Variants in SEC22A observed in about 807,000 individuals in gnomAD.
SEC22A encodes SEC22 homolog A, vesicle trafficking protein.
In SEC22A, 22 loss-of-function variants were observed where a neutral mutation model predicts 35.3. The ratio of observed to expected loss-of-function variants is 0.62; its 90% CI spans 0.45 to 0.89. The LOEUF (loss-of-function observed/expected upper bound fraction) is 0.89. Ranked by LOEUF, SEC22A falls within the 40% of genes least tolerant of loss-of-function variation. The probability of loss-of-function intolerance (pLI) is 0.00; values close to 1 mark genes in which losing one functional copy is unlikely to be tolerated. For missense variants in SEC22A, 354 were observed against 362.5 expected (o/e 0.98, Z 0.19); for synonymous variants, 119 against 129.5 (o/e 0.92, Z 0.55).
At chr3:123,228,018 AAGC>A (rs1011247038) in intron 4 of SEC22A, among the ~76,000 whole-genome samples, 2 of 151,974 alleles carry the variant, frequency 1.3e-5, no homozygotes, top group African/African-American at 2.4e-5. Context: ...CCCATCCTAG[AAGC>A]TTCCTCTAGA....
intron 1 of SEC22A, among the ~76,000 whole-genome samples, chr3:123,203,053 CTTTTTTT>C (rs779433710): frequency 0.15 from 6,896 of 44,626 alleles, 772 homozygotes; most frequent in Middle Eastern, 0.36. Context: ...TGTTTAGTGC[CTTTTTTT>C]TTTTTTTTTT....
At chr3:123,223,860 T>C in intron 3 of SEC22A, 138 bp downstream of exon 3, 2 of 620,638 alleles carry the variant, frequency 3.2e-6, no homozygotes, top group Non-Finnish European at 2.6e-6. Context: ...CTATAAATTA[T>C]GGTAACTTTT....
At chr3:123,204,020 C>T (rs1936804290) in intron 1 of SEC22A, among the ~76,000 whole-genome samples, 1 of 152,172 alleles carries the variant, frequency 6.6e-6, no homozygotes, top group Non-Finnish European at 1.5e-5. Context: ...TCCCCTTTAT[C>T]ACCCACTCTA....
intron 1 of SEC22A, among the ~76,000 whole-genome samples, chr3:123,207,675 A>C (rs1191692213): frequency 1.3e-5 from 2 of 152,222 alleles, no homozygotes; most frequent in African/African-American, 2.4e-5. Flanking sequence ...AGAGCTCAGA[A>C]ATCTGCATTT....
rs1205087537 is a variant in SEC22A, at chr3:123,273,805, T to A, written c.*2083T>A. The A allele has an allele frequency of 1.3e-5, 2 of 151,338 alleles. No individual in the cohort carries two copies. The highest frequency in any genetic ancestry group is 4.9e-5 in the African/African-American group (2 of 40,716). The allele number at this position is 151,338 out of a possible 1,614,324, so 9.4% of individuals were successfully genotyped here. On this transcript the variant is annotated 3_prime_UTR_variant, in exon 7 of 7. Transcript: ENST00000492595. ...GCCTGGCCAACAGAGCGAGACTCTG[T>A]CTCAAAAAAGAAAGGTTTTCTAAAC...
intron 5 of SEC22A, among the ~76,000 whole-genome samples, chr3:123,246,348 G>C (rs1007945988): frequency 1.3e-5 from 2 of 152,194 alleles, no homozygotes; most frequent in African/African-American, 4.8e-5. Flanking sequence ...GGAAGGGGGA[G>C]AGGTCAGTAT....
At chr3:123,253,726 A>G (rs115340869) in intron 5 of SEC22A, among the ~76,000 whole-genome samples, 3,120 of 151,298 alleles carry the variant, frequency 0.021, 106 homozygotes, top group African/African-American at 0.072. Flanking sequence ...AAAAAAAAAA[A>G]AAAGAAAGAA....
chr3:123,245,341 C>T (rs1576497515), intron 4 of SEC22A, among the ~76,000 whole-genome samples: 3 of 152,230 alleles, frequency 2.0e-5, no homozygotes, highest in South Asian at 4.2e-4. Flanking sequence ...GATTTACTGC[C>T]GGTTGTGAGC....
At chr3:123,242,597 C>T (rs1350218392) in intron 4 of SEC22A, among the ~76,000 whole-genome samples, 1 of 151,918 alleles carries the variant, frequency 6.6e-6, no homozygotes, top group Non-Finnish European at 1.5e-5. Context: ...GCCCTGATTT[C>T]AGTCAGTCTT....
At chr3:123,251,066 A>C (rs1478485011) in intron 5 of SEC22A, among the ~76,000 whole-genome samples, 1 of 152,254 alleles carries the variant, frequency 6.6e-6, no homozygotes, top group Non-Finnish European at 1.5e-5. Context: ...GTAGATTTTA[A>C]GCAACAAACA....
At chr3:123,217,569 A>T (rs1270038661) in intron 2 of SEC22A, among the ~76,000 whole-genome samples, 1 of 152,154 alleles carries the variant, frequency 6.6e-6, no homozygotes, top group Non-Finnish European at 1.5e-5. Flanking sequence ...GGTATGTCCT[A>T]TTAAAGAACT....
At chr3:123,270,278 A>G (rs1344497961) in intron 6 of SEC22A, among the ~76,000 whole-genome samples, 2 of 145,480 alleles carry the variant, frequency 1.4e-5, no homozygotes, top group Non-Finnish European at 3.1e-5. Context: ...TATGATGAAA[A>G]TCACTGATAA....
In SEC22A at chr3:123,272,657, C is replaced by T. The variant is rs1284630497; in HGVS notation, c.*935C>T. 6.5e-6 allele frequency: 1 copy of T among 153,144 alleles called. No homozygotes were observed. Among genetic ancestry groups the T allele is most frequent in the Non-Finnish European group, 1.5e-5 (1 of 68,042 alleles). The allele number at this position is 153,144 out of a possible 1,614,324, so 9.5% of individuals were successfully genotyped here. A position where few individuals can be genotyped will look rare whatever the true frequency, so the allele number is the denominator to read the frequency against. ...AAAGGCTCCGAATCTTAGGCTCTTT[C>T]TTTGTGGCAGTGAGGGAGATGTTAC... On this transcript the variant is annotated 3_prime_UTR_variant, in exon 7 of 7. Coordinates refer to ENST00000492595, the MANE Select transcript of SEC22A (RefSeq NM_012430.5).
intron 5 of SEC22A, among the ~76,000 whole-genome samples, chr3:123,253,964 TATAA>T (rs537060954): frequency 1.5e-3 from 232 of 151,852 alleles, no homozygotes; most frequent in African/African-American, 5.1e-3. Context: ...ATAAAAAAGT[TATAA>T]ATAAATAAAA....
chr3:123,254,013 A>G (rs1937666190), intron 5 of SEC22A, among the ~76,000 whole-genome samples: 1 of 152,106 alleles, frequency 6.6e-6, no homozygotes, highest in East Asian at 1.9e-4. Context: ...GGAAATGTAT[A>G]AAGAATAAAA....
intron 2 of SEC22A, among the ~76,000 whole-genome samples, chr3:123,211,973 C>T (rs889847394): frequency 6.6e-6 from 1 of 152,078 alleles, no homozygotes; most frequent in Non-Finnish European, 1.5e-5. Flanking sequence ...GGGAGGATCG[C>T]TTGAGCCTAG....
chr3:123,209,936 G>A (rs1382926338), intron 2 of SEC22A, among the ~76,000 whole-genome samples: 2 of 152,196 alleles, frequency 1.3e-5, no homozygotes, highest in African/African-American at 4.8e-5. Flanking sequence ...GAAGAGCAAG[G>A]CAGAGGTAGC....
intron 1 of SEC22A, among the ~76,000 whole-genome samples, chr3:123,205,049 T>TA (rs57525190): frequency 0.19 from 29,435 of 151,130 alleles, 2,968 homozygotes; most frequent in Middle Eastern, 0.28. Flanking sequence ...AAGATTAGTT[T>TA]AAAAAAAAAC....
chr3:123,253,297 G>A (rs545196535), intron 5 of SEC22A, among the ~76,000 whole-genome samples: 1 of 152,344 alleles, frequency 6.6e-6, no homozygotes, highest in East Asian at 1.9e-4. Flanking sequence ...TCTTAGGACA[G>A]ACAATCTAAG....
Sources: allele counts gnomAD v4.1 joint callset (sites outside exome capture counted in the v4.1 genomes callset), GRCh38; gene constraint gnomAD v4.1.1; transcripts MANE v1.5; gene names NCBI Gene and HGNC (gene_info 2026-07-23, HGNC 2026-07-21).